Variants in ARMC3 observed in about 807,000 individuals in gnomAD.
ARMC3 encodes armadillo repeat containing 3, also known as armadillo repeat-containing protein 3.
ARMC3 carries 74 observed loss-of-function variants against 90.3 expected under a neutral mutation model. That is an observed-to-expected ratio of 0.82 (90% CI 0.68 to 0.99). The LOEUF (loss-of-function observed/expected upper bound fraction) is 0.99. ARMC3 is among the 50% of genes least tolerant of loss of function. The pLI, the probability that ARMC3 is intolerant of heterozygous loss-of-function variation, is 0.00. For synonymous variants in ARMC3, 334 were observed against 361.8 expected (o/e 0.92, Z 0.87); for missense variants, 958 against 1,042.8 (o/e 0.92, Z 1.12).
intron 10 of ARMC3, among the ~76,000 whole-genome samples, chr10:22,994,877 G>T (rs1316400369): frequency 1.3e-5 from 2 of 152,196 alleles, no homozygotes; most frequent in Non-Finnish European, 2.9e-5. Context: ...TATATCAAAT[G>T]ATATAAACAG....
At chr10:22,982,726 T>TC (rs1836248285) in intron 10 of ARMC3, among the ~76,000 whole-genome samples, 1 of 152,228 alleles carries the variant, frequency 6.6e-6, no homozygotes, top group South Asian at 2.1e-4. Flanking sequence ...TTGCCCTGCC[T>TC]CCATCTCATT....
chr10:22,938,898 A>G (rs1421166466), intron 2 of ARMC3, among the ~76,000 whole-genome samples: 1 of 152,226 alleles, frequency 6.6e-6, no homozygotes, highest in African/African-American at 2.4e-5. Flanking sequence ...ACAATTAAAT[A>G]CACCATAACT....
intron 2 of ARMC3, among the ~76,000 whole-genome samples, chr10:22,933,829 G>C (rs1834021303): frequency 6.6e-6 from 1 of 152,128 alleles, no homozygotes. Flanking sequence ...AGTTTGCAGT[G>C]AGCTGAGATC....
intron 16 of ARMC3, among the ~76,000 whole-genome samples, chr10:23,029,126 A>T (rs1838823136): frequency 6.6e-6 from 1 of 152,220 alleles, no homozygotes; most frequent in Non-Finnish European, 1.5e-5. Flanking sequence ...ATGCACAAGA[A>T]TGAAGAAAAA....
At chr10:22,990,703 G>A (rs1303055453) in intron 10 of ARMC3, among the ~76,000 whole-genome samples, 1 of 152,152 alleles carries the variant, frequency 6.6e-6, no homozygotes, top group African/African-American at 2.4e-5. Flanking sequence ...GCTGGTAGGA[G>A]CTGAACCTCT....
intron 8 of ARMC3, among the ~76,000 whole-genome samples, chr10:22,971,068 C>T (rs1477968040): frequency 1.3e-5 from 2 of 152,198 alleles, no homozygotes; most frequent in African/African-American, 4.8e-5. Flanking sequence ...ATACAAACTC[C>T]TGGCAACCAC....
At chr10:22,937,236 C>T (rs560971213) in intron 2 of ARMC3, among the ~76,000 whole-genome samples, 1 of 152,238 alleles carries the variant, frequency 6.6e-6, no homozygotes, top group African/African-American at 2.4e-5. Context: ...TAGATTCACA[C>T]TTAAATAACC....
At chr10:22,946,094 G>T (rs887738778) in intron 2 of ARMC3, 50 bp from the exon 3 acceptor site, 2 of 1,316,066 alleles carry the variant, frequency 1.5e-6, no homozygotes, top group Non-Finnish European at 1.1e-6. Context: ...TTTTTAATGT[G>T]ATTTTTAAAG....
intron 16 of ARMC3, among the ~76,000 whole-genome samples, chr10:23,029,347 G>C (rs1250990374): frequency 1.3e-5 from 2 of 152,090 alleles, no homozygotes; most frequent in Non-Finnish European, 2.9e-5. Context: ...TGCTCTTCCT[G>C]CTGCTATTTA....
Position 23,033,007 on chromosome 10 carries a change from G to T in ARMC3, c.2393G>T (p.Arg798Leu). 1.9e-6 allele frequency: 3 copies of T among 1,612,362 alleles called. No homozygotes were observed. Among genetic ancestry groups the T allele is most frequent in the Non-Finnish European group, 2.5e-6 (3 of 1,179,082 alleles). The change falls in exon 18 of 19, where the codon CGA becomes CTA. Residue 798 changes from arginine (R) to leucine (L), a missense_variant. Arg to Leu is a moderately radical substitution (Grantham distance 102, BLOSUM62 -2). Transcript: ENST00000298032. The stretch of plus-strand genomic sequence containing the variant: ...GTCAAAAAAGGAATCTTCTACCATC[G>T]AGCTTTGCTTTTCAAGGTGTGTAAG... ...GHVKKGIFYH[R>L]ALLFKALADR...
chr10:23,008,925 G>C lies in ARMC3; in HGVS notation c.2039G>C (p.Gly680Ala). ...AGCAAAAGCGCCACCAAAGAAAAAG[G>C]ATGGAGGTAAGAAAGTGTCCTGAGT... Reference protein sequence around the residue: ...VLSKSATKEKGWRKSKGKKEE... With the variant: ...VLSKSATKEKAWRKSKGKKEE... Residue 680 changes from glycine (G) to alanine (A), a missense_variant, in exon 16 of 19, where the codon GGA (glycine) becomes GCA (alanine). Gly to Ala is a moderately conservative substitution (Grantham distance 60, BLOSUM62 0). Coordinates refer to ENST00000298032, the MANE Select transcript of ARMC3 (RefSeq NM_173081.5). 2 of 1,613,072 alleles carry C rather than the reference G, an allele frequency of 1.2e-6. No individual in the cohort carries two copies. The highest frequency in any genetic ancestry group is 1.3e-5 in the African/African-American group (1 of 75,038).
At chr10:22,952,724 G>A (rs566490571) in intron 3 of ARMC3, among the ~76,000 whole-genome samples, 12 of 152,184 alleles carry the variant, frequency 7.9e-5, no homozygotes, top group African/African-American at 2.9e-4. Context: ...AGGCAAGAAA[G>A]AAAGAAATCT....
At chr10:22,928,428 C>A (rs930071595) in intron 1 of ARMC3, among the ~76,000 whole-genome samples, 1 of 152,152 alleles carries the variant, frequency 6.6e-6, no homozygotes, top group African/African-American at 2.4e-5. Flanking sequence ...CTCTTTAAAT[C>A]TTCTCAAAGC....
chr10:22,991,763 T>C (rs1476218762), intron 10 of ARMC3, among the ~76,000 whole-genome samples: 1 of 152,204 alleles, frequency 6.6e-6, no homozygotes, highest in Admixed American at 6.5e-5. Flanking sequence ...TCTGAGCTGC[T>C]GAGAATAAAC....
At chr10:22,931,609 A>G (rs1343152262) in intron 1 of ARMC3, among the ~76,000 whole-genome samples, 1 of 151,970 alleles carries the variant, frequency 6.6e-6, no homozygotes, top group Non-Finnish European at 1.5e-5. Context: ...ATAGACAAAA[A>G]CCTCTGCCTT....
chr10:22,981,370 A>T lies in ARMC3; in HGVS notation c.947A>T (p.Glu316Val). 1.9e-6 allele frequency: 3 copies of T among 1,606,538 alleles called. No individual in the cohort carries two copies. The highest frequency in any genetic ancestry group is 2.5e-6 in the Non-Finnish European group (3 of 1,178,158). ...AATAGAAAACTTTTTCATGAACAAG[A>T]GGTTGAAAAGTGCCTTGTAGCCCTT... Reference protein sequence around the residue: ...PENRKLFHEQEVEKCLVALLG... With the variant: ...PENRKLFHEQVVEKCLVALLG... The change falls in exon 9 of 19, where the codon GAG becomes GTG. Residue 316 changes from glutamate (E) to valine (V), a missense_variant. By Grantham distance (121) the Glu-to-Val change is moderately radical (BLOSUM62 -2). Transcript: ENST00000298032.
At chr10:22,993,368 C>T (rs1223441514) in intron 10 of ARMC3, among the ~76,000 whole-genome samples, 1 of 152,178 alleles carries the variant, frequency 6.6e-6, no homozygotes, top group African/African-American at 2.4e-5. Context: ...TTCTTGAATA[C>T]CATCTAAAAA....
At position 23,037,723 on chromosome 10, in the gene ARMC3, T is replaced by C. The variant is rs118037880; in HGVS notation, c.*244T>C. The C allele has an allele frequency of 1.7e-3, 687 of 406,290 alleles. 4 individuals carry two copies. The highest frequency in any genetic ancestry group is 2.6e-3 in the Non-Finnish European group (587 of 226,128). 25.2% of individuals were successfully genotyped at this position (406,290 alleles called of 1,614,324 possible). ...CTCACTGACCCTCACATAAAGCTGA[T>C]TGTTGTCGAAATTCATCCAGCCCAC... On this transcript the variant is annotated 3_prime_UTR_variant, in exon 19 of 19. Coordinates refer to ENST00000298032, the MANE Select transcript of ARMC3 (RefSeq NM_173081.5).
In ARMC3 at chr10:23,038,042, GAATTAAA is replaced by G. The variant is rs1224211975; in HGVS notation, c.*567_*573del. On this transcript the variant is annotated 3_prime_UTR_variant, in exon 19 of 19. Coordinates refer to ENST00000298032, the MANE Select transcript of ARMC3 (RefSeq NM_173081.5). ...ATCATTAAAAACACTTTAATATAGT[GAATTAAA>G]AATATTTCTAAAGTATATTTCCATA... is the stretch of plus-strand genomic sequence containing the variant. 1 of 152,022 alleles carries G rather than the reference GAATTAAA, an allele frequency of 6.6e-6. No individual in the cohort carries two copies. The highest frequency in any genetic ancestry group is 1.9e-4 in the East Asian group (1 of 5,200). 9.4% of individuals were successfully genotyped at this position (152,022 alleles called of 1,614,324 possible).
Sources: allele counts gnomAD v4.1 joint callset (sites outside exome capture counted in the v4.1 genomes callset), GRCh38; gene constraint gnomAD v4.1.1; transcripts MANE v1.5; gene names NCBI Gene and HGNC (gene_info 2026-07-23, HGNC 2026-07-21).